SAMSN1: variants seen among roughly 807,000 people sequenced by gnomAD.
SAMSN1 encodes SAM domain-containing protein SAMSN-1.
SAMSN1 carries 31 observed loss-of-function variants against 42.0 expected under a neutral mutation model. The ratio of observed to expected loss-of-function variants is 0.74; its 90% CI spans 0.55 to 1.00. The LOEUF is 1.00. Ranked by LOEUF, SAMSN1 falls within the 50% of genes least tolerant of loss-of-function variation. The pLI is 0.00. For missense variants in SAMSN1, 464 were observed against 439.4 expected (o/e 1.06, Z -0.50); for synonymous variants, 178 against 151.9 (o/e 1.17, Z -1.26).
At chr21:14,522,287 T>C (rs1247202524) in intron 1 of SAMSN1, among the ~76,000 whole-genome samples, 3 of 152,238 alleles carry the variant, frequency 2.0e-5, no homozygotes, top group African/African-American at 7.2e-5. Flanking sequence ...TTCTTTTGAG[T>C]CATTGAGTCA....
intron 7 of SAMSN1, among the ~76,000 whole-genome samples, chr21:14,489,712 T>C (rs764532394): frequency 1.5e-4 from 23 of 152,126 alleles, no homozygotes; most frequent in Non-Finnish European, 3.1e-4. Context: ...TTAGGAAATA[T>C]TTTATCATGA....
intron 3 of SAMSN1, among the ~76,000 whole-genome samples, chr21:14,613,648 G>T (rs972093065): frequency 1.3e-5 from 2 of 151,964 alleles, no homozygotes; most frequent in South Asian, 4.1e-4. Flanking sequence ...ATGCAAAATG[G>T]TTAGGACATC....
At chr21:14,649,494 G>T (rs1983788910) in intron 1 of SAMSN1, among the ~76,000 whole-genome samples, 2 of 152,046 alleles carry the variant, frequency 1.3e-5, no homozygotes, top group South Asian at 4.1e-4. Context: ...GACTGGCTGG[G>T]TGCAGTGGGT....
chr21:14,518,231 T>G (rs1413968173), intron 2 of SAMSN1, among the ~76,000 whole-genome samples: 1 of 152,228 alleles, frequency 6.6e-6, no homozygotes, highest in Non-Finnish European at 1.5e-5. Flanking sequence ...TACATCCTGT[T>G]TATTGGCCCT....
chr21:14,554,220 G>A (rs1372524758), intron 2 of SAMSN1, among the ~76,000 whole-genome samples: 1 of 152,140 alleles, frequency 6.6e-6, no homozygotes, highest in Non-Finnish European at 1.5e-5. Context: ...TGGTTATGAG[G>A]GTGGACTTTA....
intron 3 of SAMSN1, among the ~76,000 whole-genome samples, chr21:14,513,941 G>A (rs1424531172): frequency 6.6e-6 from 1 of 152,182 alleles, no homozygotes; most frequent in Non-Finnish European, 1.5e-5. Flanking sequence ...GACCATGTGT[G>A]GTGGCCATGG....
intron 6 of SAMSN1, among the ~76,000 whole-genome samples, chr21:14,597,576 T>C (rs1265689847): frequency 6.6e-6 from 1 of 152,184 alleles, no homozygotes; most frequent in Admixed American, 6.6e-5. Flanking sequence ...GAGCAGAGTT[T>C]AGCATTAGCA....
At chr21:14,551,504 A>ATC (rs1268172162) in intron 2 of SAMSN1, among the ~76,000 whole-genome samples, 2 of 152,088 alleles carry the variant, frequency 1.3e-5, no homozygotes, top group Non-Finnish European at 2.9e-5. Context: ...TTAAGATTCA[A>ATC]AATAAATGCA....
chr21:14,549,930 A>C (rs1980545039), upstream of SAMSN1, among the ~76,000 whole-genome samples: 1 of 150,740 alleles, frequency 6.6e-6, no homozygotes, highest in African/African-American at 2.4e-5. Context: ...TACAATATCA[A>C]AAAAAAAAAC....
intron 1 of SAMSN1, among the ~76,000 whole-genome samples, chr21:14,544,070 G>T (rs1980223499): frequency 6.6e-6 from 1 of 152,072 alleles, no homozygotes; most frequent in Non-Finnish European, 1.5e-5. Flanking sequence ...TTCTTTTTGA[G>T]AAAGGGTCTT....
At chr21:14,553,882 T>C (rs1044364799) in intron 2 of SAMSN1, among the ~76,000 whole-genome samples, 1 of 152,074 alleles carries the variant, frequency 6.6e-6, no homozygotes, top group Non-Finnish European at 1.5e-5. Flanking sequence ...ATATTATGTG[T>C]GTTGATATGG....
chr21:14,512,417 A>T (rs781218111), intron 4 of SAMSN1, 27 bp downstream of exon 4: 1 of 1,611,592 alleles, frequency 6.2e-7, no homozygotes, highest in Non-Finnish European at 8.5e-7. Context: ...CACACCCAGG[A>T]TCTTGTCCCT....
intron 1 of SAMSN1, among the ~76,000 whole-genome samples, chr21:14,658,112 TAG>T (rs1235456704): frequency 6.6e-6 from 1 of 151,916 alleles, no homozygotes; most frequent in African/African-American, 2.4e-5. Context: ...AATTGCAGGT[TAG>T]AGTTATAAAG....
intron 2 of SAMSN1, among the ~76,000 whole-genome samples, chr21:14,566,375 C>T (rs1055729923): frequency 6.6e-6 from 1 of 152,106 alleles, no homozygotes; most frequent in Non-Finnish European, 1.5e-5. Flanking sequence ...ATTTTCATTT[C>T]CCACAATCTA....
chr21:14,538,703 A>G (rs1979801342), intron 1 of SAMSN1, among the ~76,000 whole-genome samples: 1 of 152,184 alleles, frequency 6.6e-6, no homozygotes. Context: ...CAGTGCAGTG[A>G]AAACAGCTCA....
chr21:14,571,236 C>T (rs548875181), intron 2 of SAMSN1, among the ~76,000 whole-genome samples: 8 of 152,212 alleles, frequency 5.3e-5, no homozygotes, highest in Non-Finnish European at 7.4e-5. Context: ...ACAGTTTATC[C>T]TCCTTAACTG....
Position 14,510,320 on chromosome 21 carries a change from A to C in SAMSN1, c.551T>G (p.Leu184Arg). Residue 184 changes from leucine (L) to arginine (R), a missense_variant, in exon 5 of 8, where the codon CTC (leucine) becomes CGC (arginine). Coordinates refer to ENST00000400566, the MANE Select transcript of SAMSN1 (RefSeq NM_022136.5). ...ATGATGTCCTCTCACCTTGATTTTG[A>C]GGGAGTCAGTGTCATAGGGACTTGG... ...FTPSPYDTDS[L>R]KIKKGDIIDI... The C allele has an allele frequency of 6.2e-7, 1 of 1,614,052 alleles. No homozygotes were observed. The highest frequency in any genetic ancestry group is 8.5e-7 in the Non-Finnish European group (1 of 1,179,956).
upstream of SAMSN1, chr21:14,546,381 A>G (rs564453000): frequency 1.3e-4 from 188 of 1,472,738 alleles, no homozygotes; most frequent in Non-Finnish European, 2.2e-5. Flanking sequence ...GGGACCTGCC[A>G]CTTCCTCCTT....
Position 14,524,226 on chromosome 21 carries a change from A to T in SAMSN1, c.58-3005T>A, listed in dbSNP as rs148336473. ...AACAAGGTGAATTATATGGAAACAA[A>T]GCTTGCTTCCTAAATAATAGTACTT... On this transcript the variant is annotated intron_variant, in intron 1 of 7. Coordinates refer to ENST00000400566, the MANE Select transcript of SAMSN1 (RefSeq NM_022136.5). 8.9e-3 allele frequency among the ~76,000 whole-genome samples: 1,349 copies of T among 152,290 alleles called. 10 individuals are homozygous for T. Among genetic ancestry groups the T allele is most frequent in the Middle Eastern group, 0.02 (6 of 294 alleles).
Sources: gnomAD v4.1 joint callset for allele counts (sites outside exome capture counted in the v4.1 genomes callset) on GRCh38, gnomAD v4.1.1 for gene constraint, MANE v1.5 for transcripts, NCBI Gene and HGNC (gene_info 2026-07-23, HGNC 2026-07-21) for gene names.